CDH13: variants seen among roughly 807,000 people sequenced by gnomAD.
CDH13 encodes cadherin-13.
CDH13 carries 24 observed loss-of-function variants against 63.8 expected under a neutral mutation model. The ratio of observed to expected loss-of-function variants is 0.38; its 90% CI spans 0.27 to 0.53. CDH13 has a LOEUF of 0.53. CDH13 is among the 20% of genes least tolerant of loss of function. CDH13 has a pLI of 0.85. For missense variants in CDH13, 1,049 were observed against 903.1 expected (o/e 1.16, Z -2.07); for synonymous variants, 503 against 355.3 (o/e 1.42, Z -4.67).
At chr16:83,212,212 G>T (rs1199618260) in intron 4 of CDH13, among the ~76,000 whole-genome samples, 1 of 152,144 alleles carries the variant, frequency 6.6e-6, no homozygotes, top group South Asian at 2.1e-4. Context: ...GAGTGGTTTT[G>T]AAGCATGGCT....
intron 1 of CDH13, among the ~76,000 whole-genome samples, chr16:82,832,881 A>T (rs1211022458): frequency 6.6e-6 from 1 of 152,256 alleles, no homozygotes; most frequent in African/African-American, 2.4e-5. Flanking sequence ...TTTGATTCAG[A>T]TGACAGCTTC....
At position 83,798,596 on chromosome 16, in the gene CDH13, G is replaced by C. The variant is rs531323438; in HGVS notation, c.*3566G>C. 6.6e-6 allele frequency: 1 copy of C among 152,214 alleles called. No homozygotes were observed. The highest frequency in any genetic ancestry group is 2.4e-5 in the African/African-American group (1 of 41,530). The allele number at this position is 152,214 out of a possible 1,614,324, so 9.4% of individuals were successfully genotyped here. On this transcript the variant is annotated 3_prime_UTR_variant, in exon 14 of 14. Transcript: ENST00000567109. ...AGTGGCCTCCAGAACCAAACCTCAGGCTATCTGGCTCCAGGGTTCATGTTC... is the reference window on the plus strand; with the variant it reads ...AGTGGCCTCCAGAACCAAACCTCAGCCTATCTGGCTCCAGGGTTCATGTTC...
intron 11 of CDH13, among the ~76,000 whole-genome samples, chr16:83,750,442 A>T (rs405293): frequency 0.76 from 115,519 of 152,210 alleles, 44,013 homozygotes; most frequent in African/African-American, 0.83. Context: ...TTAACAATTG[A>T]TATGACTGAA....
intron 11 of CDH13, among the ~76,000 whole-genome samples, chr16:83,750,121 C>T (rs1164268506): frequency 6.6e-6 from 1 of 152,006 alleles, no homozygotes; most frequent in East Asian, 1.9e-4. Context: ...TATGGTGAAA[C>T]CCCATCTCTA....
At chr16:83,344,194 C>T (rs191455447) in intron 5 of CDH13, among the ~76,000 whole-genome samples, 4 of 152,326 alleles carry the variant, frequency 2.6e-5, no homozygotes, top group African/African-American at 9.6e-5. Flanking sequence ...CTGGAAATGC[C>T]ATGACATAAT....
intron 7 of CDH13, among the ~76,000 whole-genome samples, chr16:83,508,569 G>A (rs1466843787): frequency 6.6e-6 from 1 of 152,188 alleles, no homozygotes; most frequent in East Asian, 1.9e-4. Flanking sequence ...AGTGGCAAGA[G>A]TTGGTAGATT....
At chr16:83,040,926 A>G (rs1297904160) in intron 3 of CDH13, among the ~76,000 whole-genome samples, 1 of 152,264 alleles carries the variant, frequency 6.6e-6, no homozygotes, top group Middle Eastern at 3.4e-3. Flanking sequence ...ACATGACCAA[A>G]TTCTATGATT....
chr16:83,554,949 C>G (rs2075574349), intron 7 of CDH13, among the ~76,000 whole-genome samples: 2 of 144,264 alleles, frequency 1.4e-5, no homozygotes, highest in African/African-American at 2.6e-5. Flanking sequence ...TAGAGAACCT[C>G]TCCCTCTTTG....
chr16:83,183,605 C>T (rs2038415665), intron 4 of CDH13, among the ~76,000 whole-genome samples: 1 of 152,160 alleles, frequency 6.6e-6, no homozygotes, highest in Non-Finnish European at 1.5e-5. Flanking sequence ...TGGGAAAGTT[C>T]TTGTGTTTCT....
intron 4 of CDH13, among the ~76,000 whole-genome samples, chr16:83,195,575 A>G (rs573167475): frequency 6.6e-6 from 1 of 152,250 alleles, no homozygotes; most frequent in African/African-American, 2.4e-5. Flanking sequence ...TAGCACTAGG[A>G]GGGTGGTGCT....
chr16:83,473,600 G>A (rs1049337762), intron 6 of CDH13, among the ~76,000 whole-genome samples: 1 of 152,054 alleles, frequency 6.6e-6, no homozygotes, highest in African/African-American at 2.4e-5. Flanking sequence ...TATGTCCCTC[G>A]GGCTTCTGGA....
At position 83,678,297 on chromosome 16, in the gene CDH13, C is replaced by T. The variant is rs1915131511; in HGVS notation, c.1374C>T (p.Pro458=). ...TCGTACCCGACGTCTCCTACGGCCC[C>T]AGCTCCACAGCCACCGTCCACATCA... ...DPLVPDVSYG[P]SSTATVHITV... The change falls in exon 10 of 14, where the codon CCC becomes CCT. Residue 458 remains proline, a synonymous_variant. Coordinates refer to ENST00000567109, the MANE Select transcript of CDH13 (RefSeq NM_001257.5). 2 of 1,613,990 alleles carry T rather than the reference C, an allele frequency of 1.2e-6. No individual in the cohort carries two copies. The highest frequency in any genetic ancestry group is 4.5e-5 in the East Asian group (2 of 44,874).
intron 7 of CDH13, among the ~76,000 whole-genome samples, chr16:83,591,515 A>G (rs1178768406): frequency 6.6e-6 from 1 of 152,152 alleles, no homozygotes; most frequent in Non-Finnish European, 1.5e-5. Context: ...CCTCGAAGGT[A>G]CTTTTGAGAA....
chr16:83,433,040 G>C (rs1206569419), intron 6 of CDH13, among the ~76,000 whole-genome samples: 1 of 152,162 alleles, frequency 6.6e-6, no homozygotes, highest in African/African-American at 2.4e-5. Context: ...GAACTTTCCA[G>C]CTCCCTTGGC....
At chr16:82,920,964 AT>A (rs34287424) in intron 2 of CDH13, among the ~76,000 whole-genome samples, 31 of 152,000 alleles carry the variant, frequency 2.0e-4, no homozygotes, top group South Asian at 4.2e-4. Flanking sequence ...ATTTTATCAA[AT>A]TTTTTTTCTG....
At chr16:83,071,658 G>C (rs1248990635) in intron 3 of CDH13, among the ~76,000 whole-genome samples, 2 of 152,186 alleles carry the variant, frequency 1.3e-5, no homozygotes, top group Non-Finnish European at 2.9e-5. Flanking sequence ...AAGCTGGACT[G>C]AATAGTTGTT....
chr16:83,079,572 C>T (rs1231755935), intron 3 of CDH13, among the ~76,000 whole-genome samples: 1 of 152,196 alleles, frequency 6.6e-6, no homozygotes, highest in Non-Finnish European at 1.5e-5. Flanking sequence ...GTACCTAGCA[C>T]TCTCTGGCAT....
intron 2 of CDH13, among the ~76,000 whole-genome samples, chr16:82,943,401 A>AT (rs1319096519): frequency 1.2e-4 from 18 of 152,274 alleles, no homozygotes; most frequent in Admixed American, 7.9e-4. Context: ...CCAGTGAATG[A>AT]TTTTTTCTTT....
intron 4 of CDH13, 111 bp downstream of exon 4, chr16:83,125,612 A>G (rs1047175860): frequency 4.6e-5 from 28 of 603,456 alleles, no homozygotes; most frequent in Non-Finnish European, 7.5e-5. Context: ...TCATCTGTCT[A>G]TGATAAGAGA....
Sources: allele counts gnomAD v4.1 joint callset (sites outside exome capture counted in the v4.1 genomes callset), GRCh38; gene constraint gnomAD v4.1.1; transcripts MANE v1.5; gene names NCBI Gene and HGNC (gene_info 2026-07-23, HGNC 2026-07-21).